The following MEI1 variants were observed in gnomAD, a reference collection of about 807,000 sequenced individuals.
MEI1 encodes the protein meiotic double-stranded break formation protein 1.
In MEI1, 103 loss-of-function variants were observed where a neutral mutation model predicts 146.2. The ratio of observed to expected loss-of-function variants is 0.70; its 90% CI spans 0.60 to 0.83. MEI1 has a LOEUF of 0.83. MEI1 is among the 40% of genes least tolerant of loss of function. The pLI is 0.00. For missense variants in MEI1, 1,529 were observed against 1,533.0 expected, an observed-to-expected ratio of 1.00 and a Z score of 0.04; for synonymous variants, 652 against 628.2, an observed-to-expected ratio of 1.04 and a Z score of -0.57.
At position 41,743,154 on chromosome 22, in the gene MEI1, G is replaced by A. The variant is rs776390618; in HGVS notation, c.1406G>A (p.Cys469Tyr). Reference sequence around the variant, plus strand: ...TTGCTAGAAGCCATGCTAAACCGATGTGCGGAGTTTTCCCAGACCTTGCTG... The same window carrying A: ...TTGCTAGAAGCCATGCTAAACCGATATGCGGAGTTTTCCCAGACCTTGCTG... ...QALLEAMLNR[C>Y]AEFSQTLLSR... Residue 469 changes from cysteine (C) to tyrosine (Y), a missense_variant, in exon 12 of 31, where the codon TGT (cysteine) becomes TAT (tyrosine). By Grantham distance (194) the Cys-to-Tyr change is radical. Transcript: ENST00000401548. 3.2e-5 allele frequency: 51 copies of A among 1,613,194 alleles called. No individual in the cohort carries two copies. Among genetic ancestry groups the A allele is most frequent in the South Asian group, 4.4e-5 (4 of 91,036 alleles).
chr22:41,751,772 T>TAAAA (rs35211694), intron 15 of MEI1, among the ~76,000 whole-genome samples: 1 of 119,418 alleles, frequency 8.4e-6, no homozygotes, highest in Non-Finnish European at 1.7e-5. Flanking sequence ...AACTCCATCT[T>TAAAA]AAAAAAAAAA....
Position 41,724,574 on chromosome 22 carries a change from C to T in MEI1, c.864+501C>T, listed in dbSNP as rs183471866. On this transcript the variant is annotated intron_variant, in intron 7 of 30. Transcript: ENST00000401548. ...CGGAGGTTGCAGTGAGCCAAGACCG[C>T]GCCACTGCACTCCAGCCTGGTGACA... Among the ~76,000 whole-genome samples the T allele has an allele frequency of 4.2e-4, 63 of 148,268 alleles. No individual in the cohort carries two copies. The East Asian group carries it at 0.012, about 28-fold the overall frequency.
Position 41,703,232 on chromosome 22 carries a change from C to T in MEI1, c.175-99C>T, listed in dbSNP as rs1018477419. On this transcript the variant is annotated intron_variant, in intron 1 of 30. Coordinates refer to ENST00000401548, the MANE Select transcript of MEI1 (RefSeq NM_152513.4). ...GATCTCACCGTAGTTTAAATGATCCCTTGTATCATCTTGTAATTGTATTTG... is the reference window on the plus strand; with the variant it reads ...GATCTCACCGTAGTTTAAATGATCCTTTGTATCATCTTGTAATTGTATTTG... 5 of 1,318,992 alleles carry T rather than the reference C, an allele frequency of 3.8e-6. No homozygotes were observed. The East Asian group carries it at 1.2e-4, about 32-fold the overall frequency. The allele number at this position is 1,318,992 out of a possible 1,614,324, so 81.7% of individuals were successfully genotyped here. A position where few individuals can be genotyped will look rare whatever the true frequency, so the allele number is the denominator to read the frequency against.
intron 6 of MEI1, among the ~76,000 whole-genome samples, chr22:41,722,415 G>A (rs2070940167): frequency 6.6e-6 from 1 of 151,034 alleles, no homozygotes. Flanking sequence ...CTCTCACCTT[G>A]ATCTCCCAAG....
intron 17 of MEI1, among the ~76,000 whole-genome samples, chr22:41,755,312 C>G (rs2147889606): frequency 6.6e-6 from 1 of 151,986 alleles, no homozygotes; most frequent in South Asian, 2.1e-4. Flanking sequence ...ATTCTGTGTC[C>G]TCTCCCCCAC....
chr22:41,794,264 C>T, intron 27 of MEI1, 107 bp from the exon 28 acceptor site: 1 of 925,522 alleles, frequency 1.1e-6, no homozygotes, highest in Non-Finnish European at 1.7e-6. Context: ...GTTCAGTGCC[C>T]TGTCTCTAAC....
Position 41,781,822 on chromosome 22 carries a change from C to T in MEI1, c.3064C>T (p.Gln1022Ter), listed in dbSNP as rs769000176. The T allele has an allele frequency of 2.1e-5, 34 of 1,613,898 alleles. No individual in the cohort carries two copies. Among genetic ancestry groups the T allele is most frequent in the Non-Finnish European group, 2.6e-5 (31 of 1,179,914 alleles). ...GCTGCTCACTGCCTCCTTCTCTGCC[C>T]AGCAGCACAAGGGCAGTTTGCAGGT... is the stretch of plus-strand genomic sequence containing the variant. ...AWLLTASFSA[Q>*]QHKGSLQVHQ... is the part of the protein sequence containing the mutation. The change falls in exon 24 of 31, where the codon CAG (glutamine) becomes TAG (stop). Residue 1022 changes from glutamine to a stop codon, truncating the protein, a stop_gained. Coordinates refer to ENST00000401548, the MANE Select transcript of MEI1 (RefSeq NM_152513.4). LOFTEE classifies it high-confidence loss of function.
chr22:41,738,318 G>T lies in MEI1; in HGVS notation c.1332-4762G>T, dbSNP rs185022902. Among the ~76,000 whole-genome samples, 4 of 152,274 alleles carry T rather than the reference G, an allele frequency of 2.6e-5. No homozygotes were observed. In the East Asian group the frequency reaches 7.7e-4, roughly 29 times the overall value. On this transcript the variant is annotated intron_variant, in intron 11 of 30. Coordinates refer to ENST00000401548, the MANE Select transcript of MEI1 (RefSeq NM_152513.4). The stretch of plus-strand genomic sequence containing the variant: ...AAATACAAAAATTAGGCTGGGTGTG[G>T]TGGCTCATGCCTGTAATCCCAGCAC...
intron 13 of MEI1, 50 bp from the exon 14 acceptor site, chr22:41,745,835 C>G (rs1474033705): frequency 2.6e-6 from 4 of 1,541,286 alleles, no homozygotes; most frequent in African/African-American, 2.7e-5. Context: ...TGTTTGTAAC[C>G]TTTAGGTTGC....
chr22:41,773,020 G>A (rs1387105731), intron 20 of MEI1, among the ~76,000 whole-genome samples: 2 of 152,192 alleles, frequency 1.3e-5, no homozygotes, highest in Admixed American at 6.5e-5. Flanking sequence ...TAACTTCACA[G>A]GATGTAAATA....
chr22:41,784,469 T>C, intron 25 of MEI1, 49 bp downstream of exon 25: 4 of 1,607,280 alleles, frequency 2.5e-6, no homozygotes, highest in Non-Finnish European at 3.4e-6. Context: ...TCCCTAGGTT[T>C]TCAGATAAGA....
chr22:41,704,936 G>A (rs2147222808), intron 2 of MEI1, among the ~76,000 whole-genome samples: 1 of 151,010 alleles, frequency 6.6e-6, no homozygotes. Context: ...GGATGGTCTC[G>A]ATCTCCTGAC....
chr22:41,757,272 T>A (rs1171100466), intron 17 of MEI1, among the ~76,000 whole-genome samples: 4 of 152,030 alleles, frequency 2.6e-5, no homozygotes, highest in African/African-American at 9.7e-5. Context: ...TTTTTTGTAT[T>A]TTTAGTAGAG....
At chr22:41,702,170 C>T (rs552252745) in intron 1 of MEI1, among the ~76,000 whole-genome samples, 89 of 152,318 alleles carry the variant, frequency 5.8e-4, no homozygotes, top group Admixed American at 9.1e-4. Context: ...GAGATGGTTT[C>T]GCTCTCGTTG....
chr22:41,714,075 G>A lies in MEI1; in HGVS notation c.423G>A (p.Glu141=). 1 of 1,595,742 alleles carries A rather than the reference G, an allele frequency of 6.3e-7. No individual in the cohort carries two copies. The highest frequency in any genetic ancestry group is 8.5e-7 in the Non-Finnish European group (1 of 1,170,904). ...IRCLLDECHK[E]LCNMPSMRGS... ...GCCTGCTGGATGAGTGCCACAAAGA[G>A]GTCAGAAAATAGCTATGGGTTCTTG... The change falls in exon 4 of 31, where the codon GAG becomes GAA. Residue 141 remains glutamate (E), a splice_region_variant and synonymous_variant. Transcript: ENST00000401548.
At chr22:41,745,743 A>G in intron 13 of MEI1, 142 bp from the exon 14 acceptor site, 3 of 752,844 alleles carry the variant, frequency 4.0e-6, no homozygotes, top group South Asian at 5.4e-5. Context: ...ATTGTGGTCT[A>G]TTGAATTTTC....
At chr22:41,785,387 C>T (rs747054589) in intron 26 of MEI1, among the ~76,000 whole-genome samples, 7 of 151,934 alleles carry the variant, frequency 4.6e-5, no homozygotes, top group Non-Finnish European at 8.8e-5. Flanking sequence ...CTCAGCCTCC[C>T]GAGTAGCTGG....
chr22:41,723,538 G>C (rs1008872613), intron 6 of MEI1, among the ~76,000 whole-genome samples: 2 of 152,050 alleles, frequency 1.3e-5, no homozygotes, highest in Non-Finnish European at 2.9e-5. Flanking sequence ...TTTTGTGTTT[G>C]TTTCTCCTAC....
chr22:41,760,518 ATAAT>A lies in MEI1; in HGVS notation c.2120+1994_2120+1997del, dbSNP rs924755504. Among the ~76,000 whole-genome samples the A allele has an allele frequency of 3.0e-4, 46 of 151,994 alleles. 2 individuals are homozygous for A. The highest frequency in any genetic ancestry group is 8.8e-5 in the Non-Finnish European group (6 of 67,998). On this transcript the variant is annotated intron_variant, in intron 18 of 30. Transcript: ENST00000401548. ...AGTGATACTCTGTCTCAAAAAATAA[ATAAT>A]TAATTAATAATAATAATTTATTGGC...
Sources: allele counts gnomAD v4.1 joint callset (sites outside exome capture counted in the v4.1 genomes callset), GRCh38; gene constraint gnomAD v4.1.1; transcripts MANE v1.5; gene names NCBI Gene and HGNC (gene_info 2026-07-23, HGNC 2026-07-21).